SRPRB: variants seen among roughly 807,000 people sequenced by gnomAD.
The protein encoded by SRPRB is SRP receptor subunit beta.
In SRPRB, 20 loss-of-function variants were observed where a neutral mutation model predicts 31.9. The ratio of observed to expected loss-of-function variants is 0.63; its 90% CI spans 0.44 to 0.91. SRPRB has a LOEUF of 0.91. Among genes scored for constraint, SRPRB ranks in the 40% least tolerant of loss-of-function variants. The pLI is 0.00. For synonymous variants in SRPRB, 146 were observed against 132.8 expected (o/e 1.10, Z -0.68); for missense variants, 321 against 324.9 (o/e 0.99, Z 0.09).
chr3:133,788,444 C>T (rs1934743665), intron 1 of SRPRB: 2 of 152,200 alleles, frequency 1.3e-5, no homozygotes, highest in South Asian at 4.1e-4. Flanking sequence ...GTGGAGCGTA[C>T]TTTCATTTCA....
At chr3:133,809,988 C>T (rs1379063873) in intron 3 of SRPRB, among the ~76,000 whole-genome samples, 1 of 151,662 alleles carries the variant, frequency 6.6e-6, no homozygotes, top group African/African-American at 2.4e-5. Flanking sequence ...GCATTTTTCC[C>T]TTCCCTCTTC....
downstream of SRPRB, chr3:133,826,493 T>G (rs1437865541): frequency 5.2e-5 from 8 of 152,688 alleles, no homozygotes; most frequent in Non-Finnish European, 1.0e-4. Context: ...TGGGGCGGTC[T>G]CAGAGGCCAC....
rs773027794 is a variant in SRPRB, at chr3:133,819,533, T to C, written c.603-20T>C. 6.2e-7 allele frequency: 1 copy of C among 1,601,100 alleles called. No homozygotes were observed. Among genetic ancestry groups the C allele is most frequent in the South Asian group, 1.1e-5 (1 of 90,810 alleles). ...TGTATAAAAATTTTGCCTCCTGACT[T>C]CTTTCCTTTTGCCCCACAGCAACAC... is the stretch of plus-strand genomic sequence containing the variant. On this transcript the variant is annotated intron_variant, in intron 6 of 6. Transcript: ENST00000678299.
chr3:133,827,744 A>C (rs1258459008), downstream of SRPRB: 395 of 124,168 alleles, frequency 3.2e-3, 1 homozygote, highest in Non-Finnish European at 5.5e-3. Flanking sequence ...TCTGCAGACA[A>C]CACCCCCCCC....
chr3:133,806,404 G>C (rs1935161112), intron 1 of SRPRB: 1 of 555,604 alleles, frequency 1.8e-6, no homozygotes, highest in Non-Finnish European at 3.2e-6. Flanking sequence ...GTCAGAGTAA[G>C]GACTGCAAAG....
chr3:133,811,772 TG>T (rs1935267081), intron 4 of SRPRB, among the ~76,000 whole-genome samples: 1 of 151,994 alleles, frequency 6.6e-6, no homozygotes, highest in Non-Finnish European at 1.5e-5. Flanking sequence ...TTAGTAGAGA[TG>T]GGGTTTCACC....
Position 133,820,550 on chromosome 3 carries a change from G to A in SRPRB, c.*784G>A, listed in dbSNP as rs1397454588. ...GGCTCCTGGGCCATCTTCATGTGCT[G>A]CTTGAAGAGCTCCTATTTTGTACTC... On this transcript the variant is annotated 3_prime_UTR_variant, in exon 7 of 7. Transcript: ENST00000678299. 1.3e-5 allele frequency: 2 copies of A among 152,134 alleles called. No homozygotes were observed. Among genetic ancestry groups the A allele is most frequent in the East Asian group, 3.8e-4 (2 of 5,196 alleles). The allele number at this position is 152,134 out of a possible 1,614,324, so 9.4% of individuals were successfully genotyped here. A position where few individuals can be genotyped will look rare whatever the true frequency, so the allele number is the denominator to read the frequency against.
Position 133,821,453 on chromosome 3 carries a change from G to A in SRPRB, c.*1687G>A, listed in dbSNP as rs181530992. 6.6e-6 allele frequency: 1 copy of A among 152,296 alleles called. No homozygotes were observed. Among genetic ancestry groups the A allele is most frequent in the African/African-American group, 2.4e-5 (1 of 41,542 alleles). 9.4% of individuals were successfully genotyped at this position (152,296 alleles called of 1,614,324 possible). On this transcript the variant is annotated 3_prime_UTR_variant, in exon 7 of 7. Transcript: ENST00000678299. ...TTATGTCATCATAGTAGGAGCTCAT[G>A]GGAATAAAAGTCAGTGGCTTGATGC...
At chr3:133,811,044 A>G in intron 3 of SRPRB, 73 bp from the exon 4 acceptor site, 4 of 1,448,610 alleles carry the variant, frequency 2.8e-6, no homozygotes, top group South Asian at 2.4e-5. Flanking sequence ...GGTAGCCAAT[A>G]TATGATACTA....
At position 133,816,891 on chromosome 3, in the gene SRPRB, A is replaced by T; in HGVS notation, c.561A>T (p.Ala187=). The T allele has an allele frequency of 6.2e-7, 1 of 1,608,922 alleles. No individual in the cohort carries two copies. Among genetic ancestry groups the T allele is most frequent in the South Asian group, 1.1e-5 (1 of 89,818 alleles). The part of the protein sequence containing the change: ...IACNKQDIAM[A]KSAKLIQQQL... ...ATTTCTTTACAGATATTGCAATGGC[A>T]AAATCAGCAAAGTTAATTCAACAGC... Residue 187 remains alanine, a synonymous_variant, in exon 6 of 7, where the codon GCA becomes GCT. Transcript: ENST00000678299.
intron 4 of SRPRB, among the ~76,000 whole-genome samples, chr3:133,814,714 C>G (rs952997011): frequency 6.6e-6 from 1 of 152,208 alleles, no homozygotes; most frequent in Non-Finnish European, 1.5e-5. Context: ...GCTGGGATTA[C>G]AGGCGTGAGC....
At chr3:133,806,071 C>A in intron 1 of SRPRB, 69 bp downstream of exon 1, 1 of 1,561,594 alleles carries the variant, frequency 6.4e-7, no homozygotes, top group Non-Finnish European at 8.7e-7. Flanking sequence ...TGCACCGCTG[C>A]AGGCCGGGGA....
chr3:133,789,584 G>A (rs1371133459), intron 1 of SRPRB: 1 of 152,190 alleles, frequency 6.6e-6, no homozygotes, highest in Non-Finnish European at 1.5e-5. Context: ...GTCTAGATGT[G>A]TTTATTTGCA....
intron 1 of SRPRB, chr3:133,784,486 T>TA (rs1559882880): frequency 6.2e-5 from 8 of 129,974 alleles, no homozygotes; most frequent in Non-Finnish European, 1.2e-4. Flanking sequence ...ATAATAATAA[T>TA]AATAATAATA....
chr3:133,827,320 TGG>T (rs1935580547), downstream of SRPRB: 1 of 150,830 alleles, frequency 6.6e-6, no homozygotes, highest in African/African-American at 2.4e-5. Context: ...GCAGGGAGGG[TGG>T]GGTTTACATT....
At chr3:133,805,785 C>A, upstream of SRPRB, 1 of 1,517,844 alleles carries the variant, frequency 6.6e-7, no homozygotes. Flanking sequence ...GCTCTGCTCC[C>A]CGCGCCTGCG....
downstream of SRPRB, among the ~76,000 whole-genome samples, chr3:133,822,776 T>C (rs147127944): frequency 6.6e-6 from 1 of 152,340 alleles, no homozygotes; most frequent in Non-Finnish European, 1.5e-5. Context: ...AGGCCATCAG[T>C]GGCAATTAAG....
intron 1 of SRPRB, chr3:133,792,266 C>T (rs945256887): frequency 1.8e-4 from 27 of 151,962 alleles, no homozygotes; most frequent in African/African-American, 2.4e-5. Context: ...GTAAAATAAG[C>T]GGTTGTTAAA....
chr3:133,789,577 T>C (rs1934776162), intron 1 of SRPRB: 1 of 152,240 alleles, frequency 6.6e-6, no homozygotes. Flanking sequence ...TACACATGTC[T>C]AGATGTGTTT....
Sources: gnomAD v4.1 joint callset for allele counts (sites outside exome capture counted in the v4.1 genomes callset) on GRCh38, gnomAD v4.1.1 for gene constraint, MANE v1.5 for transcripts, NCBI Gene and HGNC (gene_info 2026-07-23, HGNC 2026-07-21) for gene names.